The following B3GALT1 variants were observed in gnomAD, a reference collection of about 807,000 sequenced individuals.
B3GALT1 encodes the protein beta-1,3-galactosyltransferase 1.
In B3GALT1, 10 loss-of-function variants were observed where a neutral mutation model predicts 23.2. That is an observed-to-expected ratio of 0.43 (90% CI 0.27 to 0.73). The LOEUF (loss-of-function observed/expected upper bound fraction) is 0.73. B3GALT1 is among the 30% of genes least tolerant of loss of function. B3GALT1 has a pLI of 0.21. For synonymous variants in B3GALT1, 156 were observed against 141.5 expected, an observed-to-expected ratio of 1.10 and a Z score of -0.73; for missense variants, 299 against 405.4, an observed-to-expected ratio of 0.74 and a Z score of 2.25.
At chr2:167,662,745 T>G (rs1416705363) in intron 3 of B3GALT1, among the ~76,000 whole-genome samples, 1 of 151,848 alleles carries the variant, frequency 6.6e-6, no homozygotes, top group Non-Finnish European at 1.5e-5. Context: ...CCTCTCTGGT[T>G]TCATCTCGTA....
chr2:167,681,131 G>C (rs557188455), intron 3 of B3GALT1, among the ~76,000 whole-genome samples: 12 of 152,274 alleles, frequency 7.9e-5, no homozygotes, highest in African/African-American at 2.6e-4. Flanking sequence ...GAGGAGAGGA[G>C]CTCATGTCAA....
chr2:167,625,988 A>G (rs1338674415), intron 2 of B3GALT1, among the ~76,000 whole-genome samples: 2 of 113,814 alleles, frequency 1.8e-5, no homozygotes, highest in African/African-American at 7.2e-5. Context: ...TATATATATG[A>G]CCTAAGCCAC....
chr2:167,482,675 A>C (rs1220293135), intron 1 of B3GALT1, among the ~76,000 whole-genome samples: 1 of 152,154 alleles, frequency 6.6e-6, no homozygotes, highest in East Asian at 1.9e-4. Flanking sequence ...CCCTGACTCT[A>C]CTAAAAATAA....
At chr2:167,809,060 T>C (rs1386450199) in intron 3 of B3GALT1, among the ~76,000 whole-genome samples, 3 of 152,238 alleles carry the variant, frequency 2.0e-5, no homozygotes, top group African/African-American at 4.8e-5. Flanking sequence ...ATACCCTTTC[T>C]TTCAGTTGAT....
intron 2 of B3GALT1, among the ~76,000 whole-genome samples, chr2:167,600,010 C>T (rs1418775642): frequency 6.6e-6 from 1 of 152,162 alleles, no homozygotes; most frequent in Admixed American, 6.5e-5. Context: ...ATGCTAAATG[C>T]CTTTGCAGAC....
intron 4 of B3GALT1, among the ~76,000 whole-genome samples, chr2:167,846,730 A>G (rs1689767852): frequency 6.6e-6 from 1 of 152,262 alleles, no homozygotes; most frequent in South Asian, 2.1e-4. Context: ...GGCAACAAAC[A>G]GCACAATAAA....
chr2:167,512,582 A>ACT (rs1340223233), intron 2 of B3GALT1, among the ~76,000 whole-genome samples: 1 of 75,310 alleles, frequency 1.3e-5, no homozygotes, highest in Non-Finnish European at 2.4e-5. Context: ...ATATATATGT[A>ACT]TATATATATG....
At chr2:167,756,424 T>C (rs1416341885) in intron 3 of B3GALT1, among the ~76,000 whole-genome samples, 1 of 152,216 alleles carries the variant, frequency 6.6e-6, no homozygotes, top group Non-Finnish European at 1.5e-5. Context: ...ATACTCTTGT[T>C]GATCGCATAT....
chr2:167,665,656 A>C (rs1218091622), intron 3 of B3GALT1, among the ~76,000 whole-genome samples: 2 of 152,056 alleles, frequency 1.3e-5, no homozygotes, highest in Admixed American at 6.6e-5. Flanking sequence ...TTATTGGTCT[A>C]TTCAGAGATT....
chr2:167,781,974 C>A (rs1025595346), intron 3 of B3GALT1, among the ~76,000 whole-genome samples: 4 of 152,118 alleles, frequency 2.6e-5, no homozygotes, highest in African/African-American at 9.7e-5. Context: ...AACTCCTGAG[C>A]TCAAGCGATC....
intron 1 of B3GALT1, among the ~76,000 whole-genome samples, chr2:167,449,451 T>C (rs1699054160): frequency 1.3e-5 from 2 of 152,212 alleles, no homozygotes; most frequent in South Asian, 4.1e-4. Context: ...TTTTGTGTCC[T>C]GAAACATTGC....
chr2:167,466,636 AG>A (rs1382641884), intron 1 of B3GALT1, among the ~76,000 whole-genome samples: 87 of 149,752 alleles, frequency 5.8e-4, no homozygotes, highest in African/African-American at 2.0e-3. Context: ...AAAAAAAAAA[AG>A]GATGGTCTTG....
intron 2 of B3GALT1, among the ~76,000 whole-genome samples, chr2:167,565,829 T>A (rs1239013): frequency 9.9e-5 from 15 of 151,044 alleles, no homozygotes; most frequent in South Asian, 8.4e-4. Context: ...TAGAATGGCA[T>A]TCATTAAAAA....
intron 1 of B3GALT1, among the ~76,000 whole-genome samples, chr2:167,422,151 A>G (rs1445064671): frequency 2.0e-5 from 3 of 151,582 alleles, no homozygotes; most frequent in Non-Finnish European, 4.4e-5. Context: ...GAGGGAGGAA[A>G]GGAAGAGGAA....
chr2:167,845,121 C>T (rs550101435), intron 4 of B3GALT1, among the ~76,000 whole-genome samples: 1 of 152,212 alleles, frequency 6.6e-6, no homozygotes, highest in East Asian at 1.9e-4. Flanking sequence ...TTCAGACACG[C>T]CTCCCACTGC....
chr2:167,628,511 C>T (rs1685385805), intron 2 of B3GALT1, among the ~76,000 whole-genome samples: 1 of 151,746 alleles, frequency 6.6e-6, no homozygotes, highest in Non-Finnish European at 1.5e-5. Context: ...CCTACCTGGC[C>T]TCCCGGCTTC....
intron 4 of B3GALT1, among the ~76,000 whole-genome samples, chr2:167,839,789 C>T (rs1399397088): frequency 1.3e-5 from 2 of 152,102 alleles, no homozygotes; most frequent in African/African-American, 2.4e-5. Flanking sequence ...TACTACAAGG[C>T]TACAGTAACC....
At chr2:167,323,111 C>T (rs1487085937) in intron 1 of B3GALT1, among the ~76,000 whole-genome samples, 9 of 151,986 alleles carry the variant, frequency 5.9e-5, no homozygotes, top group Non-Finnish European at 1.0e-4. Context: ...ATTGCTCATT[C>T]GTTGCTACAT....
intron 2 of B3GALT1, among the ~76,000 whole-genome samples, chr2:167,499,299 T>C (rs1699819422): frequency 6.6e-6 from 1 of 152,178 alleles, no homozygotes; most frequent in Non-Finnish European, 1.5e-5. Flanking sequence ...GATTTTATAT[T>C]CTGTGATAAA....
Sources: gnomAD v4.1 joint callset for allele counts (sites outside exome capture counted in the v4.1 genomes callset) on GRCh38, gnomAD v4.1.1 for gene constraint, MANE v1.5 for transcripts, NCBI Gene and HGNC (gene_info 2026-07-23, HGNC 2026-07-21) for gene names.